PCDHA5: variants seen among roughly 807,000 people sequenced by gnomAD.
PCDHA5 encodes protocadherin alpha-5.
Under a neutral mutation model 61.6 loss-of-function variants are expected in PCDHA5, and 43 were observed. That is an observed-to-expected ratio of 0.70 (90% CI 0.55 to 0.90). The LOEUF (loss-of-function observed/expected upper bound fraction) is 0.90, where lower values mean the gene tolerates loss of function less well. PCDHA5 is among the 40% of genes least tolerant of loss of function. PCDHA5 has a pLI of 0.00. For missense variants in PCDHA5, 1,298 were observed against 1,222.7 expected, an observed-to-expected ratio of 1.06 and a Z score of -0.92; for synonymous variants, 627 against 543.9, an observed-to-expected ratio of 1.15 and a Z score of -2.13.
chr5:140,828,250 G>C, intron 1 of PCDHA5: 2 of 1,613,982 alleles, frequency 1.2e-6, no homozygotes, highest in Non-Finnish European at 1.7e-6. Context: ...AGGACCTGGG[G>C]CTGGAGCTGG....
intron 1 of PCDHA5, chr5:140,841,823 T>C (rs1554138571): frequency 1.9e-6 from 3 of 1,613,930 alleles, no homozygotes; most frequent in Non-Finnish European, 2.5e-6. Context: ...TAACTCCGTG[T>C]TAACCTACAG....
chr5:140,879,204 G>A (rs1041591784), intron 1 of PCDHA5, among the ~76,000 whole-genome samples: 3 of 152,328 alleles, frequency 2.0e-5, no homozygotes, highest in Admixed American at 6.5e-5. Flanking sequence ...AATTATGGCA[G>A]TAGAAATGAA....
intron 1 of PCDHA5, chr5:140,968,948 A>G (rs1554231262): frequency 2.5e-6 from 4 of 1,614,064 alleles, no homozygotes; most frequent in East Asian, 4.5e-5. Flanking sequence ...CATTTTGAGC[A>G]TCATCAAGTG....
At chr5:140,866,412 A>C (rs1308561363) in intron 1 of PCDHA5, 1 of 152,116 alleles carries the variant, frequency 6.6e-6, no homozygotes, top group Non-Finnish European at 1.5e-5. Context: ...AAAATCTTCA[A>C]ATGTGTGTAG....
chr5:140,886,730 G>A (rs2061105749), intron 1 of PCDHA5, among the ~76,000 whole-genome samples: 1 of 150,962 alleles, frequency 6.6e-6, no homozygotes, highest in Non-Finnish European at 1.5e-5. Flanking sequence ...GGAGGCTGAA[G>A]CAAGAGAATT....
intron 3 of PCDHA5, among the ~76,000 whole-genome samples, chr5:140,999,159 G>T (rs1056236953): frequency 6.6e-6 from 1 of 152,182 alleles, no homozygotes; most frequent in Non-Finnish European, 1.5e-5. Flanking sequence ...CAGTCCCCTA[G>T]AAGGAAAAGA....
rs372392810 is a variant in PCDHA5, at chr5:140,953,521, C to T, written c.2353-25428C>T. On this transcript the variant is annotated intron_variant, in intron 1 of 3. Coordinates refer to ENST00000529859, the MANE Select transcript of PCDHA5 (RefSeq NM_018908.3). Reference sequence around the variant, plus strand: ...AGCTATTAGGCCAAAGCAACAAAAACGGGAAACTCACTTCATGCTGATTCT... The same window carrying T: ...AGCTATTAGGCCAAAGCAACAAAAATGGGAAACTCACTTCATGCTGATTCT... 2.0e-5 allele frequency among the ~76,000 whole-genome samples: 3 copies of T among 152,230 alleles called. No individual in the cohort carries two copies. In the East Asian group the frequency reaches 5.8e-4, roughly 29 times the overall value.
At chr5:140,835,645 A>G (rs1554135161) in intron 1 of PCDHA5, 3 of 1,613,728 alleles carry the variant, frequency 1.9e-6, no homozygotes, top group African/African-American at 2.7e-5. Context: ...GTGTCCGCCT[A>G]TGAGCTGGTG....
chr5:140,993,033 T>C (rs1315226376), intron 3 of PCDHA5, among the ~76,000 whole-genome samples: 2 of 152,158 alleles, frequency 1.3e-5, no homozygotes, highest in African/African-American at 4.8e-5. Context: ...GTGGGCTCCG[T>C]GTGTCATCAA....
At chr5:140,860,288 G>A (rs1305065556) in intron 1 of PCDHA5, 2 of 151,928 alleles carry the variant, frequency 1.3e-5, no homozygotes, top group African/African-American at 4.8e-5. Context: ...GGGTGAGGTG[G>A]GAGGACGGCT....
intron 1 of PCDHA5, chr5:140,849,014 C>T: frequency 1.3e-6 from 2 of 1,590,086 alleles, no homozygotes; most frequent in East Asian, 2.2e-5. Flanking sequence ...ACAGACTGAG[C>T]CCCAATGAGT....
chr5:140,984,413 C>A lies in PCDHA5; in HGVS notation c.2500+1850C>A, dbSNP rs75063168. Among the ~76,000 whole-genome samples, 1,502 of 152,262 alleles carry A rather than the reference C, an allele frequency of 9.9e-3. 20 individuals carry two copies. Among genetic ancestry groups the A allele is most frequent in the African/African-American group, 0.035 (1,434 of 41,536 alleles). On this transcript the variant is annotated intron_variant, in intron 3 of 3. Transcript: ENST00000529859. ...AAATGTTGAGAACCTATCTTTTTTA[C>A]AGAGATAGAGAAGGGGATCTCCCTT...
At chr5:140,851,162 G>C in intron 1 of PCDHA5, 1 of 1,294,640 alleles carries the variant, frequency 7.7e-7, no homozygotes, top group African/African-American at 1.5e-5. Context: ...CTGATGCTAT[G>C]CTGCCATAAC....
intron 1 of PCDHA5, 79 bp from the exon 2 acceptor site, chr5:140,978,870 G>T: frequency 6.2e-7 from 1 of 1,606,988 alleles, no homozygotes; most frequent in Non-Finnish European, 8.5e-7. Context: ...ATTTAAGGGA[G>T]TAACTAATCA....
intron 1 of PCDHA5, among the ~76,000 whole-genome samples, chr5:140,900,090 A>G (rs1370301453): frequency 6.6e-6 from 1 of 152,152 alleles, no homozygotes; most frequent in Non-Finnish European, 1.5e-5. Context: ...AGTTACAAGC[A>G]TGCGCCACCA....
intron 1 of PCDHA5, chr5:140,926,672 C>T (rs2083457109): frequency 1.7e-6 from 1 of 583,596 alleles, no homozygotes; most frequent in Admixed American, 3.9e-5. Flanking sequence ...GACGGCTGCC[C>T]AGCCTCCAGC....
chr5:140,864,004 A>G (rs1042382501), intron 1 of PCDHA5: 4 of 153,124 alleles, frequency 2.6e-5, no homozygotes, highest in Non-Finnish European at 4.4e-5. Context: ...CTGTCTTAAA[A>G]AAAAAAGTAC....
chr5:140,824,954 A>G (rs1230853437), intron 1 of PCDHA5: 1 of 152,086 alleles, frequency 6.6e-6, no homozygotes, highest in East Asian at 1.9e-4. Context: ...TAAAAATTAT[A>G]TTTTTCATTT....
intron 1 of PCDHA5, chr5:140,829,979 G>A (rs2150179079): frequency 5.6e-6 from 9 of 1,614,004 alleles, no homozygotes; most frequent in Non-Finnish European, 7.6e-6. Flanking sequence ...GTACACGGGC[G>A]AGATCAGCAC....
Sources: allele counts gnomAD v4.1 joint callset (sites outside exome capture counted in the v4.1 genomes callset), GRCh38; gene constraint gnomAD v4.1.1; transcripts MANE v1.5; gene names NCBI Gene and HGNC (gene_info 2026-07-23, HGNC 2026-07-21).